The following BICD1 variants were observed in gnomAD, a reference collection of about 807,000 sequenced individuals.
The protein encoded by BICD1 is protein bicaudal D homolog 1.
In BICD1, 35 loss-of-function variants were observed where a neutral mutation model predicts 92.5. That is an observed-to-expected ratio of 0.38 (90% CI 0.29 to 0.50). The LOEUF is 0.50. BICD1 is among the 20% of genes least tolerant of loss of function. BICD1 has a pLI of 0.93. For missense variants in BICD1, 950 were observed against 1,189.8 expected, an observed-to-expected ratio of 0.80 and a Z score of 2.97; for synonymous variants, 429 against 465.1, an observed-to-expected ratio of 0.92 and a Z score of 1.00.
At chr12:32,184,904 TATG>T (rs1274433484) in intron 1 of BICD1, among the ~76,000 whole-genome samples, 2 of 152,210 alleles carry the variant, frequency 1.3e-5, no homozygotes, top group African/African-American at 4.8e-5. Context: ...TGGTTTTCAA[TATG>T]ATATGTTCAA....
chr12:32,193,413 A>G (rs975801089), intron 1 of BICD1, among the ~76,000 whole-genome samples: 3 of 152,264 alleles, frequency 2.0e-5, no homozygotes, highest in African/African-American at 7.2e-5. Context: ...TATAGTGTCA[A>G]CATAACTTTC....
At chr12:32,300,631 ATTT>A (rs34219566) in intron 3 of BICD1, among the ~76,000 whole-genome samples, 6,138 of 78,794 alleles carry the variant, frequency 0.078, 75 homozygotes, top group East Asian at 0.14. Flanking sequence ...ACTTTACAGT[ATTT>A]TTTTTTTTTT....
At chr12:32,248,949 C>A (rs1358139371) in intron 2 of BICD1, among the ~76,000 whole-genome samples, 1 of 152,184 alleles carries the variant, frequency 6.6e-6, no homozygotes. Flanking sequence ...ATTTACTTCC[C>A]TTACTGCACA....
chr12:32,370,406 TA>T (rs1019891676), intron 9 of BICD1, among the ~76,000 whole-genome samples: 99 of 151,784 alleles, frequency 6.5e-4, no homozygotes, highest in African/African-American at 2.3e-3. Context: ...CTCAATTATA[TA>T]AGTAACAATA....
intron 1 of BICD1, among the ~76,000 whole-genome samples, chr12:32,195,417 G>C (rs550191185): frequency 6.6e-6 from 1 of 152,294 alleles, no homozygotes; most frequent in African/African-American, 2.4e-5. Flanking sequence ...GTATGGAACT[G>C]GCCTAAAAAC....
chr12:32,261,818 G>T (rs1946866635), intron 2 of BICD1, among the ~76,000 whole-genome samples: 1 of 152,194 alleles, frequency 6.6e-6, no homozygotes, highest in South Asian at 2.1e-4. Flanking sequence ...TGCCAGTTAG[G>T]GGGCAGCAGA....
chr12:32,168,049 T>A (rs1450245924), intron 1 of BICD1, among the ~76,000 whole-genome samples: 6 of 151,360 alleles, frequency 4.0e-5, no homozygotes, highest in Non-Finnish European at 8.9e-5. Context: ...TACTTGTGTA[T>A]CTCATCCCTA....
At chr12:32,346,583 C>CGTGT (rs1162412308) in intron 8 of BICD1, among the ~76,000 whole-genome samples, 1 of 26,130 alleles carries the variant, frequency 3.8e-5, no homozygotes, top group Non-Finnish European at 1.2e-4. Flanking sequence ...TATATATATA[C>CGTGT]GTGTATATAT....
chr12:32,211,999 A>T (rs763968817), intron 1 of BICD1, among the ~76,000 whole-genome samples: 2 of 152,222 alleles, frequency 1.3e-5, no homozygotes, highest in Non-Finnish European at 2.9e-5. Context: ...ACCTGTGCTT[A>T]TCACCACATC....
chr12:32,235,990 G>A (rs1012192970), intron 2 of BICD1, among the ~76,000 whole-genome samples: 3 of 151,512 alleles, frequency 2.0e-5, no homozygotes, highest in East Asian at 2.0e-4. Flanking sequence ...GAGCCACTGC[G>A]CCTGGCCCAA....
At chr12:32,139,999 G>GCT (rs1158404697) in intron 1 of BICD1, among the ~76,000 whole-genome samples, 3 of 152,196 alleles carry the variant, frequency 2.0e-5, no homozygotes, top group Admixed American at 6.5e-5. Flanking sequence ...GATCTCAGCA[G>GCT]CTCTCTGTTC....
chr12:32,267,886 C>T (rs1947040773), intron 2 of BICD1, among the ~76,000 whole-genome samples: 1 of 152,222 alleles, frequency 6.6e-6, no homozygotes, highest in Admixed American at 6.5e-5. Context: ...TCACTACACC[C>T]TCTAACTCCT....
At chr12:32,288,380 C>T (rs1295051785) in intron 2 of BICD1, among the ~76,000 whole-genome samples, 1 of 151,866 alleles carries the variant, frequency 6.6e-6, no homozygotes, top group African/African-American at 2.4e-5. Flanking sequence ...TAAAAGTGTG[C>T]ACCACCATAC....
chr12:32,295,928 C>T (rs546941798), intron 3 of BICD1, among the ~76,000 whole-genome samples: 1 of 152,128 alleles, frequency 6.6e-6, no homozygotes, highest in African/African-American at 2.4e-5. Context: ...GCTGGGATTA[C>T]AAGCACGAGC....
At chr12:32,306,250 T>A (rs1948213435) in intron 4 of BICD1, 128 bp downstream of exon 4, 2 of 1,070,478 alleles carry the variant, frequency 1.9e-6, no homozygotes, top group African/African-American at 3.2e-5. Context: ...TCTTTTCTTT[T>A]CTGTTCTTTT....
chr12:32,326,984 T>G (rs1948792562), intron 4 of BICD1, among the ~76,000 whole-genome samples: 1 of 152,202 alleles, frequency 6.6e-6, no homozygotes, highest in African/African-American at 2.4e-5. Flanking sequence ...TTTAGGGAGT[T>G]AAAGCCTTAG....
intron 2 of BICD1, among the ~76,000 whole-genome samples, chr12:32,264,569 C>G (rs2136133150): frequency 6.6e-6 from 1 of 152,204 alleles, no homozygotes; most frequent in Non-Finnish European, 1.5e-5. Flanking sequence ...CTCACTGCAA[C>G]CTCTGCCTCC....
At chr12:32,342,486 T>C (rs1312776795) in intron 8 of BICD1, among the ~76,000 whole-genome samples, 4 of 151,796 alleles carry the variant, frequency 2.6e-5, no homozygotes, top group Non-Finnish European at 5.9e-5. Context: ...AATCTCCTGA[T>C]CATGATCCGC....
intron 2 of BICD1, 149 bp from the exon 3 acceptor site, chr12:32,293,845 G>T: frequency 2.9e-6 from 2 of 699,356 alleles, no homozygotes; most frequent in Non-Finnish European, 4.6e-6. Flanking sequence ...GTTTTTGACA[G>T]ATACCACTAA....
Sources: gnomAD v4.1 joint callset for allele counts (sites outside exome capture counted in the v4.1 genomes callset) on GRCh38, gnomAD v4.1.1 for gene constraint, MANE v1.5 for transcripts, NCBI Gene and HGNC (gene_info 2026-07-23, HGNC 2026-07-21) for gene names.